RGPD2: variants seen among roughly 807,000 people sequenced by gnomAD.
The protein encoded by RGPD2 is RANBP2 like and GRIP domain containing 2.
RGPD2 carries 2 observed loss-of-function variants against 36.0 expected under a neutral mutation model. The observed-to-expected ratio is 0.06, with a 90% CI of 0.02 to 0.17. The LOEUF is 0.17. Ranked by LOEUF, RGPD2 falls within the 10% of genes least tolerant of loss-of-function variation. RGPD2 has a pLI of 1.00. For missense variants in RGPD2, 40 were observed against 464.3 expected (o/e 0.09, Z 8.40); for synonymous variants, 19 against 163.8 (o/e 0.12, Z 6.75).
the RGPD2 span, among the ~76,000 whole-genome samples, chr2:87,965,631 A>AT: frequency 6.7e-6 from 1 of 149,472 alleles, no homozygotes; most frequent in East Asian, 2.0e-4. Flanking sequence ...AATCAACAAC[A>AT]TATTTACTTA....
the RGPD2 span, among the ~76,000 whole-genome samples, chr2:87,955,178 C>T: frequency 8.9e-6 from 1 of 112,768 alleles, no homozygotes; most frequent in Non-Finnish European, 1.8e-5. Flanking sequence ...CAATGCCCGG[C>T]TAATTTTCTG....
At chr2:87,861,030 T>G in the RGPD2 span, among the ~76,000 whole-genome samples, 1 of 152,168 alleles carries the variant, frequency 6.6e-6, no homozygotes, top group East Asian at 1.9e-4. Context: ...TGAGTGTCAG[T>G]GTGTGGGTAT....
At chr2:87,934,495 C>T in the RGPD2 span, among the ~76,000 whole-genome samples, 15 of 140,534 alleles carry the variant, frequency 1.1e-4, no homozygotes, top group South Asian at 2.2e-4. Flanking sequence ...TTACCACCAA[C>T]GGTTACATGG....
chr2:87,989,228 C>T, the RGPD2 span: 1 of 277,800 alleles, frequency 3.6e-6, no homozygotes, highest in Non-Finnish European at 6.4e-6. Flanking sequence ...CTTTGAATGT[C>T]TTAAAAATAG....
the RGPD2 span, among the ~76,000 whole-genome samples, chr2:87,986,955 C>T: frequency 6.9e-6 from 1 of 144,838 alleles, no homozygotes; most frequent in East Asian, 2.0e-4. Flanking sequence ...CTACATACTT[C>T]AGTAAATATA....
the RGPD2 span, among the ~76,000 whole-genome samples, chr2:87,988,842 G>C: frequency 6.6e-6 from 1 of 151,820 alleles, no homozygotes; most frequent in African/African-American, 2.4e-5. Flanking sequence ...TGCCCAGCAG[G>C]CATGTCCATA....
At chr2:87,921,442 T>G in the RGPD2 span, among the ~76,000 whole-genome samples, 2 of 152,208 alleles carry the variant, frequency 1.3e-5, no homozygotes, top group Non-Finnish European at 2.9e-5. Flanking sequence ...ACTGATCAGA[T>G]TCCTCATTTT....
intron 1 of RGPD2, among the ~76,000 whole-genome samples, chr2:87,822,118 G>A (rs1415603936): frequency 6.6e-6 from 1 of 152,128 alleles, no homozygotes; most frequent in East Asian, 1.9e-4. Context: ...CCCAACAAGG[G>A]TGAAGGCCGT....
the RGPD2 span, among the ~76,000 whole-genome samples, chr2:87,915,357 T>TTGTA: frequency 0.15 from 17,865 of 115,680 alleles, 2,288 homozygotes; most frequent in Non-Finnish European, 0.2. Flanking sequence ...ATTATATATA[T>TTGTA]TATATATATA....
the RGPD2 span, among the ~76,000 whole-genome samples, chr2:87,834,658 CAT>C: frequency 6.6e-6 from 1 of 151,948 alleles, no homozygotes; most frequent in Non-Finnish European, 1.5e-5. Context: ...CACTGTAACA[CAT>C]AAACATTGCT....
At chr2:87,952,649 C>T in the RGPD2 span, among the ~76,000 whole-genome samples, 1 of 151,748 alleles carries the variant, frequency 6.6e-6, no homozygotes, top group African/African-American at 2.4e-5. Flanking sequence ...AATGCCAACT[C>T]TGATGAAGTA....
the RGPD2 span, among the ~76,000 whole-genome samples, chr2:87,839,448 A>G: frequency 2.6e-5 from 4 of 152,230 alleles, 1 homozygote; most frequent in South Asian, 8.3e-4. Context: ...CCAATGGAAT[A>G]TAAATAGTTC....
the RGPD2 span, among the ~76,000 whole-genome samples, chr2:87,933,155 A>AT: frequency 9.8e-6 from 1 of 101,924 alleles, no homozygotes; most frequent in Admixed American, 1.1e-4. Flanking sequence ...CATTTTCACT[A>AT]TTTTTTCTTT....
At chr2:87,978,172 A>G in the RGPD2 span, among the ~76,000 whole-genome samples, 1 of 151,840 alleles carries the variant, frequency 6.6e-6, no homozygotes, top group East Asian at 1.9e-4. Context: ...AAAATAAAAA[A>G]TTCTGCTCAT....
the RGPD2 span, among the ~76,000 whole-genome samples, chr2:87,864,694 C>T: frequency 3.9e-5 from 6 of 152,284 alleles, no homozygotes; most frequent in Admixed American, 3.3e-4. Flanking sequence ...TCTGGAGAAT[C>T]CTAAGACAAC....
At chr2:87,973,661 C>G in the RGPD2 span, among the ~76,000 whole-genome samples, 1 of 128,022 alleles carries the variant, frequency 7.8e-6, no homozygotes, top group African/African-American at 2.9e-5. Context: ...TACACAGGAG[C>G]CTTTGATCTC....
At chr2:87,852,527 C>T in the RGPD2 span, among the ~76,000 whole-genome samples, 1 of 152,244 alleles carries the variant, frequency 6.6e-6, no homozygotes, top group Non-Finnish European at 1.5e-5. Context: ...ACCCTCCAGA[C>T]TTCCCATTTA....
chr2:87,914,880 T>C, the RGPD2 span, among the ~76,000 whole-genome samples: 1 of 152,102 alleles, frequency 6.6e-6, no homozygotes, highest in Non-Finnish European at 1.5e-5. Flanking sequence ...GTTCAGTAAA[T>C]GTGGAATTTG....
the RGPD2 span, among the ~76,000 whole-genome samples, chr2:87,883,125 T>C: frequency 6.6e-6 from 1 of 152,168 alleles, no homozygotes; most frequent in Non-Finnish European, 1.5e-5. Flanking sequence ...CAATAATTTG[T>C]TAAGAGGCAC....
Sources: allele counts gnomAD v4.1 joint callset (sites outside exome capture counted in the v4.1 genomes callset), GRCh38; gene constraint gnomAD v4.1.1; transcripts MANE v1.5; gene names NCBI Gene and HGNC (gene_info 2026-07-23, HGNC 2026-07-21).